Variants in GNAS observed in about 807,000 individuals in gnomAD.
GNAS encodes the protein GNAS complex locus, also known as protein ALEX.
Under a neutral mutation model 54.5 loss-of-function variants are expected in GNAS, and 8 were observed. The observed-to-expected ratio is 0.15, with a 90% CI of 0.09 to 0.26. The LOEUF is 0.26. GNAS is among the 10% of genes least tolerant of loss of function. The probability of loss-of-function intolerance (pLI) is 1.00; values close to 1 mark genes in which losing one functional copy is unlikely to be tolerated. For missense variants in GNAS, 170 were observed against 529.8 expected (o/e 0.32, Z 6.67); for synonymous variants, 204 against 191.4 (o/e 1.07, Z -0.54).
At position 58,910,362 on chromosome 20, in the gene GNAS, C is replaced by T. The variant is rs777482454; in HGVS notation, c.999C>T (p.Arg333=). Residue 333 remains arginine, a synonymous_variant, in exon 12 of 13, where the codon CGC becomes CGT. Coordinates refer to ENST00000371085, the MANE Select transcript of GNAS (RefSeq NM_000516.7). This position sits in a 1 kb window ranked among gnomAD's most constrained non-coding sequence, Gnocchi z 5.8. Reference sequence around the variant, plus strand: ...CTCCCGAGCCCGGAGAGGACCCACGCGTGACCCGGGCCAAGTACTTCATTC... The same window carrying T: ...CTCCCGAGCCCGGAGAGGACCCACGTGTGACCCGGGCCAAGTACTTCATTC... ...DATPEPGEDP[R]VTRAKYFIRD... 16 of 1,612,374 alleles carry T rather than the reference C, an allele frequency of 9.9e-6. No homozygotes were observed. Among genetic ancestry groups the T allele is most frequent in the Admixed American group, 1.7e-5 (1 of 59,998 alleles).
intron 1 of GNAS, among the ~76,000 whole-genome samples, chr20:58,864,527 C>T (rs546179049): frequency 5.9e-5 from 9 of 152,098 alleles, no homozygotes; most frequent in Non-Finnish European, 1.3e-4. Flanking sequence ...AAATGACTGG[C>T]TCTAGAAGGG....
chr20:58,845,588 T>C (rs113574382), intron 1 of GNAS, among the ~76,000 whole-genome samples: 97 of 152,224 alleles, frequency 6.4e-4, no homozygotes, highest in African/African-American at 2.2e-3. Context: ...AGCACCCATT[T>C]TTGTTTTATA....
At chr20:58,845,071 C>T (rs1236016921) in intron 1 of GNAS, among the ~76,000 whole-genome samples, 2 of 151,924 alleles carry the variant, frequency 1.3e-5, no homozygotes, top group East Asian at 3.9e-4. Flanking sequence ...TGTCCCTGAC[C>T]TTGGTGTCTA....
rs764458531 is a variant in GNAS, at chr20:58,910,047, T to C, written c.936T>C (p.Phe312=). The C allele has an allele frequency of 5.1e-5, 82 of 1,613,762 alleles. 2 individuals are homozygous for C. The highest frequency in any genetic ancestry group is 6.4e-5 in the Non-Finnish European group (76 of 1,179,774). ...GGAAATCGAAGATTGAGGACTACTT[T>C]CCAGAATTTGCTCGCTACACTACTC... The part of the protein sequence containing the change: ...LAGKSKIEDY[F]PEFARYTTPE... The change falls in exon 11 of 13, where the codon TTT becomes TTC. Residue 312 remains phenylalanine, a synonymous_variant. Transcript: ENST00000371085. This position sits in a 1 kb window ranked among gnomAD's most constrained non-coding sequence, Gnocchi z 5.8.
At chr20:58,881,470 C>T (rs2088215889) in intron 1 of GNAS, among the ~76,000 whole-genome samples, 1 of 152,138 alleles carries the variant, frequency 6.6e-6, no homozygotes, top group African/African-American at 2.4e-5. Flanking sequence ...CAAAACATAG[C>T]CTAGCCTTCT....
chr20:58,848,758 G>A (rs893537109), intron 1 of GNAS: 15 of 395,626 alleles, frequency 3.8e-5, no homozygotes, highest in Non-Finnish European at 5.8e-5. Flanking sequence ...TTACTATACC[G>A]GATTCCTCAG....
intron 1 of GNAS, among the ~76,000 whole-genome samples, chr20:58,872,916 T>G (rs2087562693): frequency 6.6e-6 from 1 of 152,236 alleles, no homozygotes; most frequent in Non-Finnish European, 1.5e-5. Flanking sequence ...CCTAATTTGT[T>G]GTGGTTGGAC....
intron 1 of GNAS, chr20:58,855,289 A>G: frequency 1.9e-6 from 3 of 1,584,336 alleles, no homozygotes; most frequent in Non-Finnish European, 2.6e-6. Flanking sequence ...CAACTCCAGG[A>G]CGAAAAGATG....
At chr20:58,889,030 C>A (rs1185691506), upstream of GNAS, 5 of 987,738 alleles carry the variant, frequency 5.1e-6, no homozygotes, top group South Asian at 1.2e-4. Context: ...CCCCAGGGTG[C>A]GCGGCGGCCC....
chr20:58,879,093 G>A (rs1414187373), intron 1 of GNAS, among the ~76,000 whole-genome samples: 1 of 152,192 alleles, frequency 6.6e-6, no homozygotes, highest in Non-Finnish European at 1.5e-5. Flanking sequence ...GAAACACAGT[G>A]AGGTGATCAG....
chr20:58,891,959 G>A, intron 1 of GNAS, 94 bp downstream of exon 1: 1 of 810,038 alleles, frequency 1.2e-6, no homozygotes, highest in Non-Finnish European at 1.5e-6. Context: ...CGCCCCGGGC[G>A]CGCGCTCCCG....
chr20:58,841,985 G>C lies in GNAS; in HGVS notation c.43+1099G>C, dbSNP rs1437256162. The C allele has an allele frequency of 2.0e-6, 2 of 994,220 alleles. No individual in the cohort carries two copies. The highest frequency in any genetic ancestry group is 2.6e-6 in the Non-Finnish European group (2 of 770,894). 61.6% of individuals were successfully genotyped at this position (994,220 alleles called of 1,614,324 possible). Reference sequence around the variant, plus strand: ...ACGCGCAGAGCTGGGGAAAGGTGTTGGATCCGGCGCCAGTCCTTGGACGAT... The same window carrying C: ...ACGCGCAGAGCTGGGGAAAGGTGTTCGATCCGGCGCCAGTCCTTGGACGAT... On this transcript the variant is annotated intron_variant, in intron 1 of 12. Transcript: ENST00000306090. The surrounding 1 kb of genome is among the most constrained non-coding windows in gnomAD (Gnocchi z 5.0).
At chr20:58,840,718 C>T (rs756663141), upstream of GNAS, 1 of 1,603,492 alleles carries the variant, frequency 6.2e-7, no homozygotes, top group East Asian at 2.2e-5. This position sits in a 1 kb window ranked among gnomAD's most constrained non-coding sequence, Gnocchi z 6.0. Flanking sequence ...CAAGGGACCC[C>T]GAAGAGTCGA....
At chr20:58,892,680 G>T (rs2089580180) in intron 1 of GNAS, among the ~76,000 whole-genome samples, 1 of 152,120 alleles carries the variant, frequency 6.6e-6, no homozygotes, top group South Asian at 2.1e-4. Flanking sequence ...GGCCAGGCCG[G>T]GCCGTGGAAG....
chr20:58,846,219 A>C (rs1450202212), intron 1 of GNAS, among the ~76,000 whole-genome samples: 1 of 152,214 alleles, frequency 6.6e-6, no homozygotes, highest in Non-Finnish European at 1.5e-5. Flanking sequence ...GCGGTTATAA[A>C]GAAAGTCGTT....
chr20:58,898,856 T>G, intron 2 of GNAS, 85 bp from the exon 3 acceptor site: 2 of 1,173,570 alleles, frequency 1.7e-6, no homozygotes, highest in South Asian at 2.4e-5. Context: ...GGCTGATGGT[T>G]GAGGAATGTA....
intron 6 of GNAS, among the ~76,000 whole-genome samples, chr20:58,905,911 G>C (rs1357597738): frequency 6.6e-6 from 1 of 152,124 alleles, no homozygotes; most frequent in African/African-American, 2.4e-5. Flanking sequence ...CTCTCTCCTT[G>C]GTAGTTGTTG....
Position 58,857,080 on chromosome 20 carries a change from C to T in GNAS, c.43+16194C>T, listed in dbSNP as rs1031071641. 6.6e-5 allele frequency: 10 copies of T among 152,176 alleles called. No homozygotes were observed. The highest frequency in any genetic ancestry group is 1.9e-4 in the East Asian group (1 of 5,198). 9.4% of individuals were successfully genotyped at this position (152,176 alleles called of 1,614,324 possible). The stretch of plus-strand genomic sequence containing the variant: ...ACAAGCTTAATTTTTACATTTTATT[C>T]TCTAAGACTTTCTCTAAGACCTTCC... On this transcript the variant is annotated intron_variant, in intron 1 of 12. Coordinates refer to the GNAS transcript ENST00000306090. This position sits in a 1 kb window ranked among gnomAD's most constrained non-coding sequence, Gnocchi z 4.1.
chr20:58,841,910 G>A lies in GNAS; in HGVS notation c.43+1024G>A, dbSNP rs2085746134. The A allele has an allele frequency of 4.1e-6, 5 of 1,224,636 alleles. No individual in the cohort carries two copies. The highest frequency in any genetic ancestry group is 5.1e-6 in the Non-Finnish European group (5 of 981,624). The allele number at this position is 1,224,636 out of a possible 1,614,324, so 75.9% of individuals were successfully genotyped here. A position where few individuals can be genotyped will look rare whatever the true frequency, so the allele number is the denominator to read the frequency against. On this transcript the variant is annotated intron_variant, in intron 1 of 12. Transcript: ENST00000306090. The surrounding 1 kb of genome is among the most constrained non-coding windows in gnomAD (Gnocchi z 5.0). ...AACAAGGGACAGGCTGGAGACGGGG[G>A]TCGCGTCTAACATCAGGATAACTTA...
Sources: allele counts gnomAD v4.1 joint callset (sites outside exome capture counted in the v4.1 genomes callset), GRCh38; gene constraint gnomAD v4.1.1; non-coding constraint Gnocchi (gnomAD v3.1); transcripts MANE v1.5; gene names NCBI Gene and HGNC (gene_info 2026-07-23, HGNC 2026-07-21).